Variants in TSC22D1 observed in about 807,000 individuals in gnomAD.
TSC22D1 encodes the protein TSC22 domain family protein 1.
TSC22D1 carries 9 observed loss-of-function variants against 74.2 expected under a neutral mutation model. The ratio of observed to expected loss-of-function variants is 0.12; its 90% CI spans 0.07 to 0.21. The LOEUF (loss-of-function observed/expected upper bound fraction) is 0.21, where lower values mean the gene tolerates loss of function less well. Ranked by LOEUF, TSC22D1 falls within the 10% of genes least tolerant of loss-of-function variation. TSC22D1 has a pLI of 1.00. For missense variants in TSC22D1, 1,427 were observed against 1,304.7 expected (o/e 1.09, Z -1.44); for synonymous variants, 586 against 492.5 (o/e 1.19, Z -2.51).
At chr13:44,567,502 AG>A (rs1434404094) in intron 1 of TSC22D1, among the ~76,000 whole-genome samples, 1 of 150,064 alleles carries the variant, frequency 6.7e-6, no homozygotes, top group African/African-American at 2.5e-5. Context: ...CCACATAGAA[AG>A]AAAAAAAAAA....
intron 1 of TSC22D1, among the ~76,000 whole-genome samples, chr13:44,460,020 G>A (rs938461943): frequency 2.0e-5 from 3 of 152,188 alleles, no homozygotes; most frequent in Non-Finnish European, 2.9e-5. Flanking sequence ...CAGAGGGCCT[G>A]AGAAAACTCC....
chr13:44,447,933 GC>G (rs1175467968), intron 1 of TSC22D1, among the ~76,000 whole-genome samples: 3 of 148,734 alleles, frequency 2.0e-5, no homozygotes, highest in African/African-American at 7.4e-5. Context: ...ATGCCCTTCA[GC>G]AACAGGACTC....
In TSC22D1 at chr13:44,434,446, C is replaced by A; in HGVS notation, c.*180G>T. 1.5e-6 allele frequency: 2 copies of A among 1,358,644 alleles called. No homozygotes were observed. The highest frequency in any genetic ancestry group is 1.5e-5 in the African/African-American group (1 of 66,724). 84.2% of individuals were successfully genotyped at this position (1,358,644 alleles called of 1,614,324 possible). A position where few individuals can be genotyped will look rare whatever the true frequency, so the allele number is the denominator to read the frequency against. On this transcript the variant is annotated 3_prime_UTR_variant, in exon 3 of 3. Transcript: ENST00000458659. ...TTTAATTCACCCAACTAAGAAATTT[C>A]TCCAAGCCATAAGCATATGAGTGTT...
chr13:44,547,936 C>A (rs1881938298), intron 1 of TSC22D1, among the ~76,000 whole-genome samples: 1 of 152,184 alleles, frequency 6.6e-6, no homozygotes, highest in African/African-American at 2.4e-5. Flanking sequence ...ACTACAGGAA[C>A]TTGCCACTGT....
At chr13:44,486,072 A>G (rs1383377092) in intron 1 of TSC22D1, among the ~76,000 whole-genome samples, 1 of 152,032 alleles carries the variant, frequency 6.6e-6, no homozygotes, top group African/African-American at 2.4e-5. Context: ...ATCTTAATCT[A>G]AAAAAATAAG....
upstream of TSC22D1, chr13:44,576,367 C>T (rs1442994412): frequency 5.6e-6 from 2 of 354,092 alleles, no homozygotes; most frequent in East Asian, 4.5e-5. Context: ...TATTCTGCTT[C>T]ACGTGGGGTG....
chr13:44,527,627 T>TA (rs1880612727), intron 1 of TSC22D1, among the ~76,000 whole-genome samples: 1 of 151,974 alleles, frequency 6.6e-6, no homozygotes, highest in African/African-American at 2.4e-5. Flanking sequence ...ATAAATTTTT[T>TA]AAAAAAGAAC....
chr13:44,567,137 T>C (rs1295941782), intron 1 of TSC22D1, among the ~76,000 whole-genome samples: 1 of 152,198 alleles, frequency 6.6e-6, no homozygotes, highest in Non-Finnish European at 1.5e-5. Context: ...AAGAAACGTA[T>C]CTGGGGATCC....
intron 1 of TSC22D1, among the ~76,000 whole-genome samples, chr13:44,441,650 A>G (rs1340248653): frequency 6.6e-6 from 1 of 152,206 alleles, no homozygotes; most frequent in Admixed American, 6.5e-5. Flanking sequence ...AAAAACAACT[A>G]AAACTTAAAA....
intron 1 of TSC22D1, among the ~76,000 whole-genome samples, chr13:44,510,209 C>T (rs947599066): frequency 7.3e-5 from 11 of 150,222 alleles, no homozygotes; most frequent in Admixed American, 6.6e-5. Flanking sequence ...CATGGAGAAA[C>T]CCTGTCTACT....
At chr13:44,478,500 A>G (rs949562690) in intron 1 of TSC22D1, among the ~76,000 whole-genome samples, 3 of 152,166 alleles carry the variant, frequency 2.0e-5, no homozygotes, top group Admixed American at 6.5e-5. Flanking sequence ...CAGAGTGTAT[A>G]TGCTTTATTG....
chr13:44,509,950 C>CAAAAAAAAAAAAAAAAAAAAAGA (rs1879625178), intron 1 of TSC22D1, among the ~76,000 whole-genome samples: 84 of 51,376 alleles, frequency 1.6e-3, no homozygotes, highest in Non-Finnish European at 1.8e-3. Context: ...AGAAAATAAG[C>CAAAAAAAAAAAAAAAAAAAAAGA]AAAAAAAAAA....
At chr13:44,529,272 T>C (rs1225425149) in intron 1 of TSC22D1, among the ~76,000 whole-genome samples, 1 of 152,018 alleles carries the variant, frequency 6.6e-6, no homozygotes, top group African/African-American at 2.4e-5. Flanking sequence ...GGTTTGACAT[T>C]CAAAAGTCAA....
intron 1 of TSC22D1, among the ~76,000 whole-genome samples, chr13:44,570,093 A>C (rs972213614): frequency 2.0e-5 from 3 of 152,206 alleles, no homozygotes; most frequent in Non-Finnish European, 4.4e-5. Flanking sequence ...GGCTGTGCTA[A>C]TAACAATCAC....
intron 1 of TSC22D1, among the ~76,000 whole-genome samples, chr13:44,515,990 C>T (rs1249365422): frequency 1.3e-5 from 2 of 152,158 alleles, no homozygotes; most frequent in Non-Finnish European, 2.9e-5. Flanking sequence ...ACAAAATCCA[C>T]ACTTCTAGTA....
intron 1 of TSC22D1, among the ~76,000 whole-genome samples, chr13:44,488,671 A>G (rs1878564013): frequency 6.6e-6 from 1 of 152,222 alleles, no homozygotes; most frequent in African/African-American, 2.4e-5. Context: ...AATCAATAAG[A>G]AGGTTTAGCA....
chr13:44,492,833 A>AT (rs1473302810), intron 1 of TSC22D1, among the ~76,000 whole-genome samples: 3 of 152,154 alleles, frequency 2.0e-5, no homozygotes, highest in Non-Finnish European at 4.4e-5. Flanking sequence ...CATGAATCCC[A>AT]TAACAAATGA....
chr13:44,437,296 A>AGAC (rs1203581151), intron 1 of TSC22D1: 1 of 979,030 alleles, frequency 1.0e-6, no homozygotes, highest in Non-Finnish European at 1.2e-6. Context: ...CACCACTGTA[A>AGAC]GACTTCGAGT....
chr13:44,501,799 A>T (rs1215021697), intron 1 of TSC22D1, among the ~76,000 whole-genome samples: 1 of 152,200 alleles, frequency 6.6e-6, no homozygotes, highest in African/African-American at 2.4e-5. Flanking sequence ...GTGAGAGAGA[A>T]AACATAAGCG....
Sources: gnomAD v4.1 joint callset for allele counts (sites outside exome capture counted in the v4.1 genomes callset) on GRCh38, gnomAD v4.1.1 for gene constraint, MANE v1.5 for transcripts, NCBI Gene and HGNC (gene_info 2026-07-23, HGNC 2026-07-21) for gene names.